Variants in C12orf42 observed in about 807,000 individuals in gnomAD.
C12orf42 encodes chromosome 12 open reading frame 42.
Under a neutral mutation model 21.6 loss-of-function variants are expected in C12orf42, and 25 were observed. The ratio of observed to expected loss-of-function variants is 1.16; its 90% CI spans 0.84 to 1.62. The LOEUF (loss-of-function observed/expected upper bound fraction) is 1.62. C12orf42 is among the 40% of genes most tolerant of loss of function. The pLI is 0.00. For synonymous variants in C12orf42, 174 were observed against 175.0 expected (o/e 0.99, Z 0.05); for missense variants, 483 against 459.3 (o/e 1.05, Z -0.47).
chr12:103,422,201 G>A (rs2049974147), intron 2 of C12orf42, among the ~76,000 whole-genome samples: 1 of 152,124 alleles, frequency 6.6e-6, no homozygotes, highest in Admixed American at 6.5e-5. Flanking sequence ...TAAAGGTCAT[G>A]ACTCAAAAAA....
chr12:103,381,014 T>G (rs2046116105), intron 3 of C12orf42, among the ~76,000 whole-genome samples: 1 of 152,150 alleles, frequency 6.6e-6, no homozygotes, highest in Non-Finnish European at 1.5e-5. Flanking sequence ...TACAAATAAT[T>G]TTTCCCCTCT....
At chr12:103,222,286 G>A in the C12orf42 span, among the ~76,000 whole-genome samples, 2 of 151,820 alleles carry the variant, frequency 1.3e-5, no homozygotes, top group African/African-American at 4.8e-5. Context: ...ACAGTCAAAG[G>A]GGGTTTGTTC....
At chr12:103,544,101 T>C in the C12orf42 span, among the ~76,000 whole-genome samples, 1 of 152,026 alleles carries the variant, frequency 6.6e-6, no homozygotes, top group African/African-American at 2.4e-5. Context: ...GGGATTTCAC[T>C]GTGTTAGCCA....
At chr12:103,369,248 T>G (rs1033667960) in intron 3 of C12orf42, among the ~76,000 whole-genome samples, 2 of 152,104 alleles carry the variant, frequency 1.3e-5, no homozygotes, top group African/African-American at 2.4e-5. Context: ...GAAAAAAATC[T>G]TATTCAGTTA....
At chr12:103,197,534 C>T in the C12orf42 span, among the ~76,000 whole-genome samples, 2,906 of 152,194 alleles carry the variant, frequency 0.019, 34 homozygotes, top group East Asian at 0.028. Context: ...TCTTCCTTGC[C>T]ATCCAGATTC....
chr12:103,081,065 T>G, the C12orf42 span: 1 of 152,206 alleles, frequency 6.6e-6, no homozygotes, highest in African/African-American at 2.4e-5. Flanking sequence ...GCCCATTGAC[T>G]TCCCACTTGG....
intron 2 of C12orf42, among the ~76,000 whole-genome samples, chr12:103,476,314 G>A (rs1954047406): frequency 6.6e-6 from 1 of 152,144 alleles, no homozygotes; most frequent in African/African-American, 2.4e-5. Flanking sequence ...TCTGACTCCT[G>A]TCCCTGATCC....
chr12:103,533,941 C>A, the C12orf42 span, among the ~76,000 whole-genome samples: 4 of 152,294 alleles, frequency 2.6e-5, no homozygotes, highest in East Asian at 5.8e-4. Context: ...CTCTAAGCCT[C>A]GGTTTCCTCA....
At chr12:103,257,430 A>G (rs1248223100) in intron 10 of C12orf42, among the ~76,000 whole-genome samples, 3 of 152,228 alleles carry the variant, frequency 2.0e-5, no homozygotes, top group Non-Finnish European at 2.9e-5. Flanking sequence ...ATGCTTAAAA[A>G]GTTATACCCA....
chr12:103,281,403 C>G (rs1401105009), intron 4 of C12orf42, among the ~76,000 whole-genome samples: 1 of 152,202 alleles, frequency 6.6e-6, no homozygotes, highest in African/African-American at 2.4e-5. Context: ...CACTCTGTCA[C>G]CCAGGCTGGA....
At chr12:103,194,028 A>T in the C12orf42 span, among the ~76,000 whole-genome samples, 1 of 152,192 alleles carries the variant, frequency 6.6e-6, no homozygotes, top group Non-Finnish European at 1.5e-5. Flanking sequence ...AACACATGCA[A>T]GTTAATCAGT....
chr12:103,130,845 G>C, the C12orf42 span, among the ~76,000 whole-genome samples: 5 of 152,146 alleles, frequency 3.3e-5, no homozygotes, highest in Admixed American at 2.0e-4. Flanking sequence ...CTCTATAGAG[G>C]CTGGCAGCTG....
chr12:103,464,967 A>G (rs1326746631), intron 2 of C12orf42, among the ~76,000 whole-genome samples: 1 of 152,184 alleles, frequency 6.6e-6, no homozygotes, highest in Non-Finnish European at 1.5e-5. Flanking sequence ...TAGTTACTGT[A>G]GCCTTGTAGT....
At chr12:103,265,140 G>A (rs879509707), downstream of C12orf42, among the ~76,000 whole-genome samples, 2 of 152,018 alleles carry the variant, frequency 1.3e-5, no homozygotes, top group Non-Finnish European at 2.9e-5. Flanking sequence ...TTTTATAAGG[G>A]CACAATCTCT....
chr12:103,499,425 A>G (rs866753632), upstream of C12orf42, among the ~76,000 whole-genome samples: 1 of 152,174 alleles, frequency 6.6e-6, no homozygotes, highest in East Asian at 1.9e-4. Flanking sequence ...AATGTTTTTT[A>G]AGGAAAGTTA....
At chr12:103,491,351 A>G (rs1455772571) in intron 1 of C12orf42, among the ~76,000 whole-genome samples, 1 of 152,214 alleles carries the variant, frequency 6.6e-6, no homozygotes, top group Non-Finnish European at 1.5e-5. Flanking sequence ...TATATGTACT[A>G]TAACAAGAGG....
chr12:103,314,966 C>A (rs931118258), intron 4 of C12orf42, among the ~76,000 whole-genome samples: 2 of 152,148 alleles, frequency 1.3e-5, no homozygotes, highest in Non-Finnish European at 2.9e-5. Flanking sequence ...TTGCAAGATG[C>A]AGCCTCTCTG....
chr12:103,296,295 G>A (rs1230066164), intron 4 of C12orf42, among the ~76,000 whole-genome samples: 1 of 151,892 alleles, frequency 6.6e-6, no homozygotes, highest in African/African-American at 2.4e-5. Context: ...CCAAGTCTTT[G>A]CTATTGTGAA....
the C12orf42 span, among the ~76,000 whole-genome samples, chr12:103,136,051 A>G: frequency 6.6e-6 from 1 of 152,216 alleles, no homozygotes; most frequent in Non-Finnish European, 1.5e-5. Context: ...TGGCCAGAGC[A>G]ATCAGTCAAG....
Sources: allele counts gnomAD v4.1 joint callset (sites outside exome capture counted in the v4.1 genomes callset), GRCh38; gene constraint gnomAD v4.1.1; transcripts MANE v1.5; gene names NCBI Gene and HGNC (gene_info 2026-07-23, HGNC 2026-07-21).